The following BRAF variants were observed in gnomAD, a reference collection of about 807,000 sequenced individuals.
The protein encoded by BRAF is B-Raf proto-oncogene, serine/threonine kinase.
In BRAF, 16 loss-of-function variants were observed where a neutral mutation model predicts 104.6. That is an observed-to-expected ratio of 0.15 (90% CI 0.10 to 0.23). The LOEUF (loss-of-function observed/expected upper bound fraction) is 0.23. Ranked by LOEUF, BRAF falls within the 10% of genes least tolerant of loss-of-function variation. The pLI is 1.00. For synonymous variants in BRAF, 310 were observed against 341.6 expected, an observed-to-expected ratio of 0.91 and a Z score of 1.02; for missense variants, 541 against 937.3, an observed-to-expected ratio of 0.58 and a Z score of 5.52.
chr7:140,840,544 A>G (rs1220623692), intron 2 of BRAF, among the ~76,000 whole-genome samples: 1 of 151,906 alleles, frequency 6.6e-6, no homozygotes, highest in Admixed American at 6.6e-5. Context: ...TAATCCCAGC[A>G]CTTTGGGAGG....
downstream of BRAF, among the ~76,000 whole-genome samples, chr7:140,717,744 T>C (rs1585876714): frequency 1.3e-5 from 2 of 152,264 alleles, no homozygotes; most frequent in South Asian, 2.1e-4. Flanking sequence ...CTCACATATA[T>C]GGTATAGTAT....
intron 3 of BRAF, among the ~76,000 whole-genome samples, chr7:140,818,331 G>C (rs879645872): frequency 1.4e-4 from 12 of 85,356 alleles, no homozygotes; most frequent in Non-Finnish European, 2.2e-4. Context: ...TTTTTTTTTT[G>C]AGATGGAGTC....
chr7:140,899,014 C>T (rs1815278588), intron 1 of BRAF, among the ~76,000 whole-genome samples: 1 of 152,142 alleles, frequency 6.6e-6, no homozygotes, highest in South Asian at 2.1e-4. Flanking sequence ...TAAGTAAACA[C>T]ACAATGATAT....
chr7:140,834,252 A>C, intron 3 of BRAF: 2 of 384,134 alleles, frequency 5.2e-6, no homozygotes, highest in Non-Finnish European at 9.4e-6. Flanking sequence ...AATATAACTC[A>C]GAAAGGAGAT....
chr7:140,721,071 T>G lies in BRAF; in HGVS notation c.*5423A>C. The G allele has an allele frequency of 9.4e-7, 1 of 1,064,232 alleles. No homozygotes were observed. The highest frequency in any genetic ancestry group is 1.1e-6 in the Non-Finnish European group (1 of 878,642). The allele number at this position is 1,064,232 out of a possible 1,614,324, so 65.9% of individuals were successfully genotyped here. On this transcript the variant is annotated 3_prime_UTR_variant, in exon 20 of 20. Coordinates refer to ENST00000644969, the MANE Select transcript of BRAF (RefSeq NM_001374258.1). ...TTCAGAGCACTTCTATCTACAGAAT[T>G]CTTTAAAAAAAAATGCACCTCTAAA... is the stretch of plus-strand genomic sequence containing the variant.
At chr7:140,879,336 C>T (rs1454960335) in intron 1 of BRAF, among the ~76,000 whole-genome samples, 1 of 151,674 alleles carries the variant, frequency 6.6e-6, no homozygotes, top group Non-Finnish European at 1.5e-5. Context: ...CGTGCACCAC[C>T]ACGCCCAGCT....
At chr7:140,792,999 G>A (rs1393228926) in intron 8 of BRAF, among the ~76,000 whole-genome samples, 9 of 152,172 alleles carry the variant, frequency 5.9e-5, no homozygotes, top group Non-Finnish European at 1.2e-4. Flanking sequence ...ATCTATTTAG[G>A]AGATTAATGT....
chr7:140,744,226 G>A (rs1456274573), intron 17 of BRAF, among the ~76,000 whole-genome samples: 4 of 152,200 alleles, frequency 2.6e-5, no homozygotes, highest in South Asian at 2.1e-4. Flanking sequence ...GGTCAGCCCC[G>A]CAGGTGGTTA....
rs541162447 is a variant in BRAF, at chr7:140,908,303, T to C, written c.138+16263A>G. 3.3e-5 allele frequency among the ~76,000 whole-genome samples: 5 copies of C among 152,350 alleles called. No homozygotes were observed. The South Asian group carries it at 1.0e-3, about 32-fold the overall frequency. On this transcript the variant is annotated intron_variant, in intron 1 of 19. Coordinates refer to ENST00000644969, the MANE Select transcript of BRAF (RefSeq NM_001374258.1). ...TACATTGCTGAAAGAATTCTACATA[T>C]ATATTACATATTATATATCTCTCAG...
At chr7:140,795,864 T>C (rs1802443987) in intron 7 of BRAF, among the ~76,000 whole-genome samples, 1 of 152,200 alleles carries the variant, frequency 6.6e-6, no homozygotes, top group Admixed American at 6.5e-5. Context: ...ATCTAGGTCC[T>C]TTTTATTTTT....
rs1795370606 is a variant in BRAF, at chr7:140,722,554, T to C, written c.*3940A>G. The C allele has an allele frequency of 3.8e-6, 4 of 1,056,438 alleles. No individual in the cohort carries two copies. The highest frequency in any genetic ancestry group is 4.6e-6 in the Non-Finnish European group (4 of 873,864). 65.4% of individuals were successfully genotyped at this position (1,056,438 alleles called of 1,614,324 possible). ...ACAGTAAACCTTCCATCTCTGGCTA[T>C]GGTGTTTATAGCCTAATGGTTGGAA... On this transcript the variant is annotated 3_prime_UTR_variant, in exon 20 of 20. Coordinates refer to ENST00000644969, the MANE Select transcript of BRAF (RefSeq NM_001374258.1).
intron 11 of BRAF, among the ~76,000 whole-genome samples, chr7:140,782,257 A>C (rs1201224905): frequency 2.6e-5 from 4 of 152,208 alleles, no homozygotes; most frequent in African/African-American, 7.2e-5. Flanking sequence ...ATGAGCAGGA[A>C]TGTATATTAC....
chr7:140,914,173 T>C (rs1381035291), intron 1 of BRAF, among the ~76,000 whole-genome samples: 5 of 152,232 alleles, frequency 3.3e-5, no homozygotes, highest in Non-Finnish European at 1.5e-5. Flanking sequence ...TATAATTTTG[T>C]GAAGGCTTTT....
intron 1 of BRAF, among the ~76,000 whole-genome samples, chr7:140,918,695 A>C (rs1377203083): frequency 6.6e-6 from 1 of 152,238 alleles, no homozygotes; most frequent in Non-Finnish European, 1.5e-5. Context: ...ATGTTACAGA[A>C]AATCAGATCA....
chr7:140,749,596 TACTC>T (rs896685798), intron 16 of BRAF, among the ~76,000 whole-genome samples, 178 bp from the exon 16 acceptor site: 6 of 152,222 alleles, frequency 3.9e-5, no homozygotes, highest in African/African-American at 1.4e-4. Flanking sequence ...AACCTCTACA[TACTC>T]AGAAAGAGAC....
At position 140,924,543 on chromosome 7, in the gene BRAF, G is replaced by A. The variant is rs1447363936; in HGVS notation, c.138+23C>T. 2 of 1,533,620 alleles carry A rather than the reference G, an allele frequency of 1.3e-6. No homozygotes were observed. Among genetic ancestry groups the A allele is most frequent in the Non-Finnish European group, 1.7e-6 (2 of 1,146,150 alleles). Reference sequence around the variant, plus strand: ...CCGCCGAGCCCGGAGTCGGGAGGGCGGCAGGGTGGCGCCAGCACTCACCTC... The same window carrying A: ...CCGCCGAGCCCGGAGTCGGGAGGGCAGCAGGGTGGCGCCAGCACTCACCTC... On this transcript the variant is annotated intron_variant, in intron 1 of 19. Coordinates refer to ENST00000644969, the MANE Select transcript of BRAF (RefSeq NM_001374258.1). This position sits in a 1 kb window ranked among gnomAD's most constrained non-coding sequence, Gnocchi z 4.2.
chr7:140,737,087 T>C (rs1027216986), intron 18 of BRAF, among the ~76,000 whole-genome samples: 2 of 152,140 alleles, frequency 1.3e-5, no homozygotes, highest in African/African-American at 4.8e-5. Flanking sequence ...CATTTTGTTT[T>C]CTGTCTTGTT....
At chr7:140,734,557 C>T (rs1431425258) in intron 19 of BRAF, 72 of 1,612,594 alleles carry the variant, frequency 4.5e-5, no homozygotes, top group Non-Finnish European at 6.1e-5. Context: ...ATTTATTTTC[C>T]TTTTGTTGCT....
At chr7:140,831,876 TCTG>T (rs1324259538) in intron 3 of BRAF, among the ~76,000 whole-genome samples, 1 of 152,214 alleles carries the variant, frequency 6.6e-6, no homozygotes, top group Non-Finnish European at 1.5e-5. Flanking sequence ...GACTAATTAC[TCTG>T]ACGACTACCC....
Sources: allele counts gnomAD v4.1 joint callset (sites outside exome capture counted in the v4.1 genomes callset), GRCh38; gene constraint gnomAD v4.1.1; non-coding constraint Gnocchi (gnomAD v3.1); transcripts MANE v1.5; gene names NCBI Gene and HGNC (gene_info 2026-07-23, HGNC 2026-07-21).